The following MYADM variants were observed in gnomAD, a reference collection of about 807,000 sequenced individuals.
The protein encoded by MYADM is myeloid associated differentiation marker.
For missense variants in MYADM, 416 were observed against 443.4 expected (o/e 0.94, Z 0.56); for synonymous variants, 224 against 210.2 (o/e 1.07, Z -0.57).
intron 2 of MYADM, among the ~76,000 whole-genome samples, chr19:53,870,554 A>G (rs1347593625): frequency 1.3e-5 from 2 of 152,114 alleles, no homozygotes; most frequent in East Asian, 3.9e-4. Flanking sequence ...CCAGACACTG[A>G]GGTATCTGAG....
At chr19:53,872,046 C>T (rs1335621852) in intron 2 of MYADM, among the ~76,000 whole-genome samples, 2 of 151,058 alleles carry the variant, frequency 1.3e-5, no homozygotes, top group Non-Finnish European at 3.0e-5. Flanking sequence ...TTACAAGCGC[C>T]CACCACCACA....
rs1212234234 is a variant in MYADM, at chr19:53,868,205, G to A, written c.-88+262G>A. 4.6e-5 allele frequency among the ~76,000 whole-genome samples: 7 copies of A among 151,786 alleles called. No homozygotes were observed. Among genetic ancestry groups the A allele is most frequent in the African/African-American group, 1.7e-4 (7 of 41,362 alleles). The stretch of plus-strand genomic sequence containing the variant: ...TGGACTCCCGGGTCCGAGGCAGGAG[G>A]GGCTGGGGGGTCTGGACTCCTGGGT... On this transcript the variant is annotated intron_variant, in intron 1 of 2. Transcript: ENST00000391770. The surrounding 1 kb of genome is among the most constrained non-coding windows in gnomAD (Gnocchi z 6.3).
At position 53,873,049 on chromosome 19, in the gene MYADM, C is replaced by T. The variant is rs1293912753; in HGVS notation, c.-2-479C>T. On this transcript the variant is annotated intron_variant, in intron 2 of 2. Coordinates refer to ENST00000391770, the MANE Select transcript of MYADM (RefSeq NM_138373.5). This position sits in a 1 kb window ranked among gnomAD's most constrained non-coding sequence, Gnocchi z 4.3. ...AGCCTTGAACCGGAGGGGACAGGCT[C>T]ATCCCTGTATGCCCAGGACTGTCCC... 2.6e-5 allele frequency among the ~76,000 whole-genome samples: 4 copies of T among 152,172 alleles called. No individual in the cohort carries two copies. Among genetic ancestry groups the T allele is most frequent in the Non-Finnish European group, 5.9e-5 (4 of 68,034 alleles).
In MYADM at chr19:53,874,038, C is replaced by A; in HGVS notation, c.509C>A (p.Ala170Asp). Residue 170 changes from alanine to aspartate, a missense_variant, in exon 3 of 3, where the codon GCC (alanine) becomes GAC (aspartate). Ala to Asp is a moderately radical substitution (Grantham distance 126, BLOSUM62 -2). Coordinates refer to ENST00000391770, the MANE Select transcript of MYADM (RefSeq NM_138373.5). ...ARPGEITGYM[A>D]TVPGLLKVLE... ...CCCGGCGAGATCACTGGCTATATGG[C>A]CACCGTACCCGGGCTGCTGAAGGTG... The A allele has an allele frequency of 6.2e-7, 1 of 1,609,294 alleles. No homozygotes were observed. Among genetic ancestry groups the A allele is most frequent in the Non-Finnish European group, 8.5e-7 (1 of 1,180,018 alleles).
Position 53,876,415 on chromosome 19 carries a change from A to G in MYADM, c.*1917A>G, listed in dbSNP as rs1437220451. On this transcript the variant is annotated 3_prime_UTR_variant, in exon 3 of 3. Coordinates refer to ENST00000391770, the MANE Select transcript of MYADM (RefSeq NM_138373.5). ...CCATCATGTTCTTTTTCTTTTAAATATCAATATAAAGGTAAAAGAAGGACT... is the reference window on the plus strand; with the variant it reads ...CCATCATGTTCTTTTTCTTTTAAATGTCAATATAAAGGTAAAAGAAGGACT... 1 of 165,794 alleles carries G rather than the reference A, an allele frequency of 6.0e-6. No individual in the cohort carries two copies. Among genetic ancestry groups the G allele is most frequent in the Admixed American group, 6.6e-5 (1 of 15,242 alleles). The allele number at this position is 165,794 out of a possible 1,614,324, so 10.3% of individuals were successfully genotyped here.
rs767334901 is a variant in MYADM, at chr19:53,874,219, C to G, written c.690C>G (p.Asn230Lys). The G allele has an allele frequency of 1.2e-6, 2 of 1,612,982 alleles. No homozygotes were observed. Among genetic ancestry groups the G allele is most frequent in the Non-Finnish European group, 1.7e-6 (2 of 1,179,238 alleles). Residue 230 changes from asparagine (N) to lysine (K), a missense_variant, in exon 3 of 3, where the codon AAC becomes AAG. By Grantham distance (94) the Asn-to-Lys change is moderately conservative. Transcript: ENST00000391770. Reference sequence around the variant, plus strand: ...TGCTGAACCTGGGGGAGTGCACCAACGTGCTACCCATCCCCTTCCCCAGCT... The same window carrying G: ...TGCTGAACCTGGGGGAGTGCACCAAGGTGCTACCCATCCCCTTCCCCAGCT... ...AILLNLGECT[N>K]VLPIPFPSFL...
In MYADM at chr19:53,874,356, A is replaced by G. The variant is rs758696182; in HGVS notation, c.827A>G (p.Asp276Gly). ...GGCGGCCAGCCTCGGCGCTCGAGAG[A>G]TGTAAGCTGCAGCCGCAGCCATGCC... ...KYGGQPRRSR[D>G]VSCSRSHAYY... Residue 276 changes from aspartate (D) to glycine (G), a missense_variant, in exon 3 of 3, where the codon GAT (aspartate) becomes GGT (glycine). Coordinates refer to ENST00000391770, the MANE Select transcript of MYADM (RefSeq NM_138373.5). 1.2e-6 allele frequency: 2 copies of G among 1,614,010 alleles called. No homozygotes were observed. Among genetic ancestry groups the G allele is most frequent in the Non-Finnish European group, 1.7e-6 (2 of 1,179,926 alleles).
At chr19:53,870,027 C>T (rs573702330) in intron 2 of MYADM, among the ~76,000 whole-genome samples, 189 bp downstream of exon 2, 5 of 64,630 alleles carry the variant, frequency 7.7e-5, no homozygotes, top group Non-Finnish European at 1.5e-4. Context: ...CTCCTGGGTC[C>T]GAGGGAGGAG....
chr19:53,871,002 G>A lies in MYADM; in HGVS notation c.-3+1164G>A, dbSNP rs147158149. On this transcript the variant is annotated intron_variant, in intron 2 of 2. Transcript: ENST00000391770. ...TCCCAGCACTTTGGGAGGCCAAGGC[G>A]GGCGGATCACTTGAGGTCAGGAGTT... Among the ~76,000 whole-genome samples the A allele has an allele frequency of 8.7e-3, 1,317 of 152,242 alleles. 25 individuals are homozygous for A. Among genetic ancestry groups the A allele is most frequent in the African/African-American group, 0.029 (1,201 of 41,538 alleles).
intron 2 of MYADM, among the ~76,000 whole-genome samples, chr19:53,870,870 C>G (rs1410669842): frequency 6.6e-6 from 1 of 152,156 alleles, no homozygotes; most frequent in Non-Finnish European, 1.5e-5. Flanking sequence ...AATTGGTTTT[C>G]TGGAGTCTGG....
Position 53,868,660 on chromosome 19 carries a change from G to C in MYADM, c.-88+717G>C, listed in dbSNP as rs2068289925. 6.6e-6 allele frequency among the ~76,000 whole-genome samples: 1 copy of C among 152,088 alleles called. No individual in the cohort carries two copies. ...GGGGTTCCGGGGCCCGATTCTCAGC[G>C]TGAGCGATGGGTGTGGCGTCTGGAG... On this transcript the variant is annotated intron_variant, in intron 1 of 2. Coordinates refer to ENST00000391770, the MANE Select transcript of MYADM (RefSeq NM_138373.5). This position sits in a 1 kb window ranked among gnomAD's most constrained non-coding sequence, Gnocchi z 6.3.
chr19:53,869,923 T>C, intron 2 of MYADM, 85 bp downstream of exon 2: 1 of 29,200 alleles, frequency 3.4e-5, no homozygotes, highest in South Asian at 5.8e-4. Flanking sequence ...GAGGAGGGGC[T>C]GGGGGCCTGG....
chr19:53,870,787 C>T (rs16985221), intron 2 of MYADM, among the ~76,000 whole-genome samples: 13,515 of 152,162 alleles, frequency 0.089, 989 homozygotes, highest in African/African-American at 0.19. Flanking sequence ...TCTAAGAGGA[C>T]GGGCACTTGA....
intron 2 of MYADM, among the ~76,000 whole-genome samples, chr19:53,871,419 G>T (rs2068384747): frequency 6.6e-6 from 1 of 152,064 alleles, no homozygotes; most frequent in South Asian, 2.1e-4. Context: ...GGAGGGGGAG[G>T]CTCAAACTAG....
At chr19:53,870,446 G>C (rs1231556029) in intron 2 of MYADM, among the ~76,000 whole-genome samples, 1 of 151,946 alleles carries the variant, frequency 6.6e-6, no homozygotes, top group Non-Finnish European at 1.5e-5. Flanking sequence ...GGAGGGGCTG[G>C]GGTCTGGACT....
intron 2 of MYADM, among the ~76,000 whole-genome samples, chr19:53,871,261 G>A (rs898682614): frequency 2.0e-5 from 3 of 152,066 alleles, no homozygotes; most frequent in Non-Finnish European, 4.4e-5. Flanking sequence ...AGGATTGTGA[G>A]GCCTAGAGAG....
rs2068426475 is a variant in MYADM at position 53,873,107 on chromosome 19, C to T, written c.-2-421C>T. Among the ~76,000 whole-genome samples the T allele has an allele frequency of 6.6e-6, 1 of 152,208 alleles. No individual in the cohort carries two copies. Among genetic ancestry groups the T allele is most frequent in the South Asian group, 2.1e-4 (1 of 4,832 alleles). On this transcript the variant is annotated intron_variant, in intron 2 of 2. Transcript: ENST00000391770. This position sits in a 1 kb window ranked among gnomAD's most constrained non-coding sequence, Gnocchi z 4.3. Reference sequence around the variant, plus strand: ...AAACCCAAGGCTGGGCCCGGTGGCTCACGCCTATAATCCCAGCACTTTGGG... The same window carrying T: ...AAACCCAAGGCTGGGCCCGGTGGCTTACGCCTATAATCCCAGCACTTTGGG...
rs1472582740 is a variant in MYADM, at chr19:53,874,049, G to A, written c.520G>A (p.Gly174Arg). ...CACTGGCTATATGGCCACCGTACCC[G>A]GGCTGCTGAAGGTGCTGGAGACCTT... ...EITGYMATVP[G>R]LLKVLETFVA... is the part of the protein sequence containing the mutation. The change falls in exon 3 of 3, where the codon GGG (glycine) becomes AGG (arginine). Residue 174 changes from glycine to arginine, a missense_variant. By Grantham distance (125) the Gly-to-Arg change is moderately radical. Transcript: ENST00000391770. 4 of 1,609,844 alleles carry A rather than the reference G, an allele frequency of 2.5e-6. No individual in the cohort carries two copies. The highest frequency in any genetic ancestry group is 3.4e-6 in the Non-Finnish European group (4 of 1,180,022).
chr19:53,868,891 C>T lies in MYADM; in HGVS notation c.-87-863C>T, dbSNP rs947530618. 2 of 152,230 alleles carry T rather than the reference C, an allele frequency of 1.3e-5. No individual in the cohort carries two copies. Among genetic ancestry groups the T allele is most frequent in the African/African-American group, 4.8e-5 (2 of 41,424 alleles). 9.4% of individuals were successfully genotyped at this position (152,230 alleles called of 1,614,324 possible). On this transcript the variant is annotated intron_variant, in intron 1 of 2. Transcript: ENST00000391770. This position sits in a 1 kb window ranked among gnomAD's most constrained non-coding sequence, Gnocchi z 6.3. ...CGCGCCCCCCTCCCCTGCGCGCCCC[C>T]CTCCGCGGCTAGCCCACCTTCCGCG...
Sources: gnomAD v4.1 joint callset for allele counts (sites outside exome capture counted in the v4.1 genomes callset) on GRCh38, gnomAD v4.1.1 for gene constraint, Gnocchi (gnomAD v3.1) non-coding constraint, MANE v1.5 for transcripts, NCBI Gene and HGNC (gene_info 2026-07-23, HGNC 2026-07-21) for gene names.